Variants in NBPF3 observed in about 807,000 individuals in gnomAD.
NBPF3 encodes NBPF family member NBPF3.
NBPF3 carries 57 observed loss-of-function variants against 78.1 expected under a neutral mutation model. The ratio of observed to expected loss-of-function variants is 0.73; its 90% CI spans 0.59 to 0.91. The LOEUF is 0.91. NBPF3 is among the 40% of genes least tolerant of loss of function. The pLI is 0.00. For missense variants in NBPF3, 510 were observed against 715.3 expected (o/e 0.71, Z 3.27); for synonymous variants, 182 against 271.7 (o/e 0.67, Z 3.25).
chr1:21,462,732 C>G (rs1046477905), intron 2 of NBPF3, among the ~76,000 whole-genome samples: 2 of 152,280 alleles, frequency 1.3e-5, no homozygotes, highest in South Asian at 4.1e-4. Flanking sequence ...TCTAATGGTA[C>G]AAGGTTAGCT....
intron 2 of NBPF3, among the ~76,000 whole-genome samples, chr1:21,450,987 A>G (rs1234561468): frequency 3.9e-5 from 6 of 152,268 alleles, no homozygotes; most frequent in African/African-American, 1.2e-4. Context: ...GAAGTTTCTT[A>G]ATTAGGATCG....
chr1:21,477,847 G>A (rs1642965692), intron 8 of NBPF3, among the ~76,000 whole-genome samples: 1 of 152,200 alleles, frequency 6.6e-6, no homozygotes, highest in Admixed American at 6.5e-5. Flanking sequence ...TTGAAGCCCT[G>A]TGTTAGTTCT....
At chr1:21,466,784 C>G (rs2147971971) in intron 2 of NBPF3, among the ~76,000 whole-genome samples, 1 of 152,262 alleles carries the variant, frequency 6.6e-6, no homozygotes, top group Middle Eastern at 3.4e-3. Context: ...TATCCCTCCT[C>G]TTCAAGTTTC....
intron 6 of NBPF3, among the ~76,000 whole-genome samples, 197 bp downstream of exon 6, chr1:21,473,112 C>T (rs1202663760): frequency 2.6e-5 from 4 of 152,228 alleles, no homozygotes; most frequent in Middle Eastern, 3.4e-3. Context: ...ATGTCTGTAC[C>T]GTACAGGGAT....
chr1:21,445,344 A>T (rs1640906071), intron 2 of NBPF3, 125 bp downstream of exon 2: 1 of 1,078,146 alleles, frequency 9.3e-7, no homozygotes, highest in East Asian at 2.5e-5. Flanking sequence ...CATGAAACAG[A>T]TATTAAATAC....
intron 11 of NBPF3, 110 bp from the exon 12 acceptor site, chr1:21,480,820 G>C: frequency 1.5e-6 from 1 of 669,566 alleles, no homozygotes; most frequent in Non-Finnish European, 2.6e-6. Context: ...ACATTGTCCT[G>C]TTCTCATGCT....
At chr1:21,453,674 G>A (rs1641437320) in intron 2 of NBPF3, 1 of 152,210 alleles carries the variant, frequency 6.6e-6, no homozygotes, top group African/African-American at 2.4e-5. Flanking sequence ...AGGTGTCTGG[G>A]AATGTAATGG....
intron 5 of NBPF3, 111 bp downstream of exon 5, chr1:21,471,894 G>C: frequency 1.4e-6 from 2 of 1,406,426 alleles, no homozygotes; most frequent in South Asian, 1.2e-5. Flanking sequence ...CCCACTAAAC[G>C]TATGTGGCCG....
intron 9 of NBPF3, 152 bp downstream of exon 9, chr1:21,478,459 C>A: frequency 9.7e-7 from 1 of 1,035,630 alleles, no homozygotes; most frequent in South Asian, 1.3e-5. Context: ...ACTCTGGAAT[C>A]GAGTCTGAAG....
chr1:21,458,351 A>G (rs780331035), intron 2 of NBPF3, among the ~76,000 whole-genome samples: 1 of 148,618 alleles, frequency 6.7e-6, no homozygotes, highest in African/African-American at 2.4e-5. Context: ...CAGCCTTTGT[A>G]ATAAGGGCAT....
Position 21,440,303 on chromosome 1 carries a change from C to T in NBPF3, c.-185C>T, listed in dbSNP as rs1490488058. On this transcript the variant is annotated 5_prime_UTR_variant, in exon 1 of 15. Coordinates refer to ENST00000318249, the MANE Select transcript of NBPF3 (RefSeq NM_032264.6). ...GGCGCGGCGGCGCGGCTGCGGGCCGCCGTCTGGATGGGAAGTTACGGCGAA... is the reference window on the plus strand; with the variant it reads ...GGCGCGGCGGCGCGGCTGCGGGCCGTCGTCTGGATGGGAAGTTACGGCGAA... 4 of 147,916 alleles carry T rather than the reference C, an allele frequency of 2.7e-5. No individual in the cohort carries two copies. The highest frequency in any genetic ancestry group is 6.1e-5 in the Non-Finnish European group (4 of 65,452). The allele number at this position is 147,916 out of a possible 1,614,324, so 9.2% of individuals were successfully genotyped here.
At chr1:21,457,612 TA>T (rs1641704004) in intron 2 of NBPF3, among the ~76,000 whole-genome samples, 1 of 152,082 alleles carries the variant, frequency 6.6e-6, no homozygotes. Context: ...TGGCTAAAAT[TA>T]AAAAGGCTGA....
intron 7 of NBPF3, 147 bp downstream of exon 7, chr1:21,473,732 C>T: frequency 2.7e-6 from 2 of 729,166 alleles, no homozygotes; most frequent in South Asian, 1.8e-5. Flanking sequence ...CTGTCCTTCT[C>T]AGCTCATGTC....
At chr1:21,462,282 G>A (rs1289062689) in intron 2 of NBPF3, among the ~76,000 whole-genome samples, 5 of 152,346 alleles carry the variant, frequency 3.3e-5, no homozygotes, top group Non-Finnish European at 2.9e-5. Context: ...TTCATTTGGG[G>A]AATGAGTATT....
chr1:21,477,130 G>T (rs1642927316), intron 8 of NBPF3, among the ~76,000 whole-genome samples: 1 of 152,152 alleles, frequency 6.6e-6, no homozygotes, highest in Non-Finnish European at 1.5e-5. Context: ...GCTCCATCAG[G>T]TCATTTCAGG....
In NBPF3 at chr1:21,479,820, C is replaced by CTGTGTGTGTGTGTGTGTGTGTGTG. The variant is rs59451117; in HGVS notation, c.1209-221_1209-198dup. On this transcript the variant is annotated intron_variant, in intron 10 of 14. Coordinates refer to ENST00000318249, the MANE Select transcript of NBPF3 (RefSeq NM_032264.6). ...TCTCTCTCTCTCTCTCTCTCTCTCT[C>CTGTGTGTGTGTGTGTGTGTGTGTG]TGTGTGTGTGTGTGTGTGTGTGTGT... 1.2e-3 allele frequency among the ~76,000 whole-genome samples: 124 copies of CTGTGTGTGTGTGTGTGTGTGTGTG among 102,862 alleles called. 4 individuals carry two copies. The highest frequency in any genetic ancestry group is 5.3e-3 in the Middle Eastern group (1 of 188). 67.5% of individuals were successfully genotyped at this position (102,862 alleles called of 152,430 possible).
chr1:21,471,009 A>G (rs1642558728), intron 4 of NBPF3, among the ~76,000 whole-genome samples: 1 of 152,136 alleles, frequency 6.6e-6, no homozygotes, highest in Non-Finnish European at 1.5e-5. Context: ...AGGAGTGGGA[A>G]CCACCGAGCA....
chr1:21,440,668 G>T (rs1640586090), intron 1 of NBPF3: 1 of 152,274 alleles, frequency 6.6e-6, no homozygotes, highest in African/African-American at 2.4e-5. Flanking sequence ...CACTGACTCC[G>T]CACCCCACCC....
chr1:21,441,197 G>T (rs2147883899), intron 1 of NBPF3, among the ~76,000 whole-genome samples: 1 of 152,280 alleles, frequency 6.6e-6, no homozygotes, highest in East Asian at 1.9e-4. Context: ...AGTGCTTCAC[G>T]AAGTTAAAGA....
Sources: allele counts gnomAD v4.1 joint callset (sites outside exome capture counted in the v4.1 genomes callset), GRCh38; gene constraint gnomAD v4.1.1; transcripts MANE v1.5; gene names NCBI Gene and HGNC (gene_info 2026-07-23, HGNC 2026-07-21).